The following DIP2A variants were observed in gnomAD, a reference collection of about 807,000 sequenced individuals.
DIP2A encodes disco-interacting protein 2 homolog A.
A neutral mutation model predicts 177.4 loss-of-function variants in DIP2A; 85 were observed. The observed-to-expected ratio is 0.48, with a 90% CI of 0.40 to 0.57. The LOEUF is 0.57. DIP2A is among the 20% of genes least tolerant of loss of function. DIP2A has a pLI of 0.00. For synonymous variants in DIP2A, 886 were observed against 881.8 expected, an observed-to-expected ratio of 1.00 and a Z score of -0.08; for missense variants, 1,791 against 2,100.2, an observed-to-expected ratio of 0.85 and a Z score of 2.88.
rs2056953875 is a variant in DIP2A at position 46,490,585 on chromosome 21, A to G, written c.164-15A>G. 3 of 1,547,502 alleles carry G rather than the reference A, an allele frequency of 1.9e-6. No individual in the cohort carries two copies. Among genetic ancestry groups the G allele is most frequent in the Non-Finnish European group, 2.6e-6 (3 of 1,146,788 alleles). On this transcript the variant is annotated splice_polypyrimidine_tract_variant and intron_variant, in intron 2 of 37. Coordinates refer to ENST00000417564, the MANE Select transcript of DIP2A (RefSeq NM_015151.4). Reference sequence around the variant, plus strand: ...AATTGTTCACATAAGGTATTCCCATAAAATTGTGTTTCAGGAATAGACCCA... The same window carrying G: ...AATTGTTCACATAAGGTATTCCCATGAAATTGTGTTTCAGGAATAGACCCA...
chr21:46,533,440 C>G, intron 10 of DIP2A, 84 bp from the exon 11 acceptor site: 1 of 1,492,678 alleles, frequency 6.7e-7, no homozygotes, highest in African/African-American at 1.4e-5. Flanking sequence ...GATCTGTTCT[C>G]TGTGCATGGC....
intron 1 of DIP2A, among the ~76,000 whole-genome samples, chr21:46,459,763 T>C (rs2054135889): frequency 6.7e-6 from 1 of 149,516 alleles, no homozygotes; most frequent in Non-Finnish European, 1.5e-5. Flanking sequence ...GGACCCTTAC[T>C]CCTCACCCCG....
chr21:46,529,119 T>C lies in DIP2A; in HGVS notation c.1130T>C (p.Leu377Pro). ...AAACTTTGGAGTCGGAGTTTAAAACTAGCTTATACTCTACTTAATAAACTG... is the reference window on the plus strand; with the variant it reads ...AAACTTTGGAGTCGGAGTTTAAAACCAGCTTATACTCTACTTAATAAACTG... ...YGKLWSRSLK[L>P]AYTLLNKLTS... The change falls in exon 9 of 38, where the codon CTA becomes CCA. Residue 377 changes from leucine to proline, a missense_variant. Leu to Pro is a moderately conservative substitution (Grantham distance 98). Coordinates refer to ENST00000417564, the MANE Select transcript of DIP2A (RefSeq NM_015151.4). 6.6e-7 allele frequency: 1 copy of C among 1,522,882 alleles called. No individual in the cohort carries two copies. Among genetic ancestry groups the C allele is most frequent in the Non-Finnish European group, 8.8e-7 (1 of 1,135,664 alleles). 94.3% of individuals were successfully genotyped at this position (1,522,882 alleles called of 1,614,324 possible).
intron 9 of DIP2A, among the ~76,000 whole-genome samples, chr21:46,531,071 G>A (rs1172673520): frequency 6.6e-6 from 1 of 152,154 alleles, no homozygotes; most frequent in African/African-American, 2.4e-5. Context: ...CCACATGAGT[G>A]AGTGAGTGAG....
intron 8 of DIP2A, among the ~76,000 whole-genome samples, chr21:46,520,095 C>T (rs1020365533): frequency 5.3e-4 from 81 of 151,882 alleles, no homozygotes; most frequent in African/African-American, 1.5e-3. Flanking sequence ...AGGACGGTCT[C>T]GATCTCCTGA....
At chr21:46,495,000 C>T (rs2057224555) in intron 3 of DIP2A, among the ~76,000 whole-genome samples, 1 of 152,104 alleles carries the variant, frequency 6.6e-6, no homozygotes, top group African/African-American at 2.4e-5. Flanking sequence ...TGCTATTGGG[C>T]TGATTGTTGT....
chr21:46,524,018 G>C (rs1427559981), intron 8 of DIP2A, among the ~76,000 whole-genome samples: 2 of 152,242 alleles, frequency 1.3e-5, no homozygotes, highest in Non-Finnish European at 2.9e-5. Flanking sequence ...CAAAAGTTCA[G>C]GCAGCCGCTT....
Position 46,558,142 on chromosome 21 carries a change from G to A in DIP2A, c.3799-81G>A, listed in dbSNP as rs138482193. ...CAGCTCCACCTCTGTGTGCCCACCC[G>A]GAGATTTCCCAAAACAGTGCCCAGG... On this transcript the variant is annotated intron_variant, in intron 31 of 37. Transcript: ENST00000417564. 6.3e-5 allele frequency: 91 copies of A among 1,435,606 alleles called. No individual in the cohort carries two copies. In the African/African-American group the frequency reaches 7.7e-4, roughly 12 times the overall value. The allele number at this position is 1,435,606 out of a possible 1,614,324, so 88.9% of individuals were successfully genotyped here.
intron 21 of DIP2A, among the ~76,000 whole-genome samples, chr21:46,548,523 A>G (rs2060150051): frequency 6.6e-6 from 1 of 152,232 alleles, no homozygotes; most frequent in African/African-American, 2.4e-5. Flanking sequence ...GATTTGCAAC[A>G]TGAACTAAGA....
chr21:46,564,225 C>T (rs1366985077), intron 35 of DIP2A, among the ~76,000 whole-genome samples: 1 of 152,220 alleles, frequency 6.6e-6, no homozygotes, highest in East Asian at 1.9e-4. Flanking sequence ...GTGTGGAAAA[C>T]AGCTACCTTG....
chr21:46,533,607 C>T lies in DIP2A; in HGVS notation c.1389C>T (p.Gly463=), dbSNP rs775034145. 6 of 1,614,016 alleles carry T rather than the reference C, an allele frequency of 3.7e-6. No individual in the cohort carries two copies. The highest frequency in any genetic ancestry group is 5.1e-6 in the Non-Finnish European group (6 of 1,179,900). The change falls in exon 11 of 38, where the codon GGC becomes GGT. Residue 463 remains glycine (G), a synonymous_variant. Transcript: ENST00000417564. The stretch of plus-strand genomic sequence containing the variant: ...TGACCACAGACGCTTGTCAGAAAGG[C>T]CTCCCCAAGGCACAGACAGGAGAGG... ...LALTTDACQK[G]LPKAQTGEVA... is the part of the protein sequence containing the mutation.
intron 2 of DIP2A, 143 bp from the exon 3 acceptor site, chr21:46,490,457 C>T (rs1483650859): frequency 8.1e-6 from 8 of 986,662 alleles, no homozygotes; most frequent in Admixed American, 3.0e-5. Flanking sequence ...AGCATTTATG[C>T]GTCTATCACT....
At position 46,459,000 on chromosome 21, in the gene DIP2A, C is replaced by A; in HGVS notation, c.-132C>A. The A allele has an allele frequency of 1.4e-6, 1 of 740,476 alleles. No homozygotes were observed. Among genetic ancestry groups the A allele is most frequent in the Non-Finnish European group, 2.0e-6 (1 of 510,822 alleles). The allele number at this position is 740,476 out of a possible 1,614,324, so 45.9% of individuals were successfully genotyped here. A position where few individuals can be genotyped will look rare whatever the true frequency, so the allele number is the denominator to read the frequency against. ...TTGCTGTCCTGGCCGCGCCCCTGTC[C>A]CGCCGCCTCCCGCTCCTCGCCTGGC... On this transcript the variant is annotated 5_prime_UTR_variant, in exon 1 of 38. Transcript: ENST00000417564.
At chr21:46,487,594 CAT>C (rs900557793) in intron 2 of DIP2A, among the ~76,000 whole-genome samples, 4 of 152,180 alleles carry the variant, frequency 2.6e-5, no homozygotes, top group African/African-American at 9.7e-5. Context: ...CTCAAAAACT[CAT>C]GTGACTGCTC....
chr21:46,504,916 A>G (rs762755859), intron 6 of DIP2A, among the ~76,000 whole-genome samples: 2 of 152,248 alleles, frequency 1.3e-5, no homozygotes, highest in Non-Finnish European at 2.9e-5. Context: ...AGACTGTGAA[A>G]TCGGTGCAAC....
At chr21:46,517,560 G>T (rs1170373740) in intron 8 of DIP2A, among the ~76,000 whole-genome samples, 3 of 152,218 alleles carry the variant, frequency 2.0e-5, no homozygotes, top group Non-Finnish European at 4.4e-5. Flanking sequence ...CTTTCTGCCA[G>T]TGCCTGGTGT....
Position 46,532,118 on chromosome 21 carries a change from C to T in DIP2A, c.1195-9C>T, listed in dbSNP as rs776844360. ...AATTTGGAATATTCATTTCTTTGTC[C>T]TGTTGTAGGTGGCGCTCGTGTTTCC... On this transcript the variant is annotated splice_polypyrimidine_tract_variant and intron_variant, in intron 9 of 37. Transcript: ENST00000417564. The T allele has an allele frequency of 1.6e-5, 26 of 1,607,440 alleles. No homozygotes were observed. The East Asian group carries it at 5.1e-4, about 32-fold the overall frequency.
chr21:46,468,300 C>T (rs1466853960), intron 1 of DIP2A, among the ~76,000 whole-genome samples: 2 of 145,932 alleles, frequency 1.4e-5, no homozygotes, highest in South Asian at 2.2e-4. Flanking sequence ...TGGTGGTGCA[C>T]GCCTATAATC....
At position 46,566,450 on chromosome 21, in the gene DIP2A, G is replaced by T; in HGVS notation, c.4340-110G>T. 3.1e-5 allele frequency: 46 copies of T among 1,467,572 alleles called. 1 individual carries two copies. The South Asian group carries it at 6.0e-4, about 19-fold the overall frequency. The allele number at this position is 1,467,572 out of a possible 1,614,324, so 90.9% of individuals were successfully genotyped here. A position where few individuals can be genotyped will look rare whatever the true frequency, so the allele number is the denominator to read the frequency against. On this transcript the variant is annotated intron_variant, in intron 36 of 37. Transcript: ENST00000417564. The stretch of plus-strand genomic sequence containing the variant: ...TGGTGTGCGACCTCATGATGTTTCA[G>T]TTGAGACCTCCCTGTGCCTGAGAGC...
Sources: allele counts gnomAD v4.1 joint callset (sites outside exome capture counted in the v4.1 genomes callset), GRCh38; gene constraint gnomAD v4.1.1; transcripts MANE v1.5; gene names NCBI Gene and HGNC (gene_info 2026-07-23, HGNC 2026-07-21).